Variants in DBT observed in about 807,000 individuals in gnomAD.
DBT encodes dihydrolipoamide branched chain transacylase E2, also known as lipoamide acyltransferase component of branched-chain alpha-keto acid dehydrogenase complex, mitochondrial.
Under a neutral mutation model 51.3 loss-of-function variants are expected in DBT, and 40 were observed. The ratio of observed to expected loss-of-function variants is 0.78; its 90% CI spans 0.61 to 1.02. DBT has a LOEUF of 1.02. DBT is among the 50% of genes least tolerant of loss of function. The probability of loss-of-function intolerance (pLI) is 0.00; values close to 1 mark genes in which losing one functional copy is unlikely to be tolerated. For synonymous variants in DBT, 181 were observed against 190.4 expected, an observed-to-expected ratio of 0.95 and a Z score of 0.41; for missense variants, 510 against 580.2, an observed-to-expected ratio of 0.88 and a Z score of 1.24.
intron 10 of DBT, among the ~76,000 whole-genome samples, 174 bp from the exon 11 acceptor site, chr1:100,196,596 TC>T (rs1661121880): frequency 1.3e-5 from 2 of 152,140 alleles, no homozygotes; most frequent in Non-Finnish European, 2.9e-5. Flanking sequence ...TTCCTACTCT[TC>T]CCATCTTTGA....
chr1:100,228,178 G>A (rs1304051283), intron 4 of DBT, among the ~76,000 whole-genome samples: 1 of 152,078 alleles, frequency 6.6e-6, no homozygotes, highest in Non-Finnish European at 1.5e-5. Flanking sequence ...CTTACTTCCA[G>A]CTTACAGGAA....
chr1:100,201,353 A>G (rs1661425933), intron 10 of DBT, among the ~76,000 whole-genome samples: 1 of 152,114 alleles, frequency 6.6e-6, no homozygotes, highest in African/African-American at 2.4e-5. Context: ...AAGATTAGAG[A>G]AAAAAGAATG....
chr1:100,223,336 CA>C (rs1168232047), intron 4 of DBT, among the ~76,000 whole-genome samples: 3 of 152,148 alleles, frequency 2.0e-5, no homozygotes, highest in Non-Finnish European at 4.4e-5. Flanking sequence ...GCTGTAAAGA[CA>C]ACTCGAGGTA....
intron 4 of DBT, among the ~76,000 whole-genome samples, chr1:100,221,263 G>T (rs536027136): frequency 6.6e-6 from 1 of 152,240 alleles, no homozygotes; most frequent in African/African-American, 2.4e-5. Flanking sequence ...GTAGTTGTTG[G>T]AAGAAAGCTG....
rs182557543 is a variant in DBT at position 100,199,920 on chromosome 1, C to G, written c.1282-3498G>C. Among the ~76,000 whole-genome samples the G allele has an allele frequency of 1.3e-3, 199 of 152,276 alleles. 1 individual carries two copies. Among genetic ancestry groups the G allele is most frequent in the African/African-American group, 4.7e-3 (197 of 41,564 alleles). ...CATCCGACAGACCAGGATATTCCCTCGGATGCCTACTCCACAAGGGCCCTG... is the reference window on the plus strand; with the variant it reads ...CATCCGACAGACCAGGATATTCCCTGGGATGCCTACTCCACAAGGGCCCTG... On this transcript the variant is annotated intron_variant, in intron 10 of 10. Coordinates refer to ENST00000370132, the MANE Select transcript of DBT (RefSeq NM_001918.5).
intron 7 of DBT, 151 bp downstream of exon 7, chr1:100,214,666 A>G: frequency 1.3e-6 from 1 of 754,106 alleles, no homozygotes; most frequent in Non-Finnish European, 2.3e-6. Context: ...AGGCAAGAGA[A>G]TTGTTTAAAC....
chr1:100,214,475 A>G (rs4908045), intron 7 of DBT, among the ~76,000 whole-genome samples: 150,905 of 152,336 alleles, frequency 0.99, 74,757 homozygotes, highest in Middle Eastern at 1. Flanking sequence ...ACTTGGGGCC[A>G]GGTATGGTGG....
intron 1 of DBT, among the ~76,000 whole-genome samples, chr1:100,247,262 C>T (rs1664598122): frequency 6.6e-6 from 1 of 152,164 alleles, no homozygotes. Flanking sequence ...ATCACTCTGG[C>T]TACACTATGG....
intron 10 of DBT, among the ~76,000 whole-genome samples, chr1:100,205,925 C>T (rs542900733): frequency 6.6e-6 from 1 of 151,966 alleles, no homozygotes; most frequent in East Asian, 1.9e-4. Flanking sequence ...GGGGACCTGT[C>T]GTGGGGTCTG....
intron 7 of DBT, among the ~76,000 whole-genome samples, 169 bp downstream of exon 7, chr1:100,214,648 G>A (rs1018236827): frequency 6.6e-6 from 1 of 152,198 alleles, no homozygotes; most frequent in African/African-American, 2.4e-5. Flanking sequence ...CAGCTACTCA[G>A]GAGGCTAAGG....
chr1:100,235,554 T>C (rs914520458), intron 2 of DBT, 43 bp from the exon 3 acceptor site: 3 of 1,000,122 alleles, frequency 3.0e-6, no homozygotes, highest in African/African-American at 3.2e-5. Context: ...GTATATAACA[T>C]ATTACTAATA....
In DBT at chr1:100,230,875, G is replaced by A. The variant is rs201318480; in HGVS notation, c.291C>T (p.Ser97=). 162 of 1,606,692 alleles carry A rather than the reference G, an allele frequency of 1.0e-4. No individual in the cohort carries two copies. Among genetic ancestry groups the A allele is most frequent in the Non-Finnish European group, 1.3e-4 (157 of 1,173,634 alleles). ...KEGDTVSQFD[S]ICEVQSDKAS... ...CTTTATCACTTTGAACTTCACAGAT[G>A]CTATCAAACTGAGACACTGTATCTC... The change falls in exon 4 of 11, where the codon AGC becomes AGT. Residue 97 remains serine, a synonymous_variant. Transcript: ENST00000370132.
At chr1:100,235,596 C>T (rs980363520) in intron 2 of DBT, 85 bp from the exon 3 acceptor site, 2 of 754,450 alleles carry the variant, frequency 2.7e-6, no homozygotes, top group Non-Finnish European at 4.6e-6. Flanking sequence ...AGAGAATGTT[C>T]TCAGGCAGAG....
chr1:100,200,079 A>C (rs1219825090), intron 10 of DBT, among the ~76,000 whole-genome samples: 1 of 152,038 alleles, frequency 6.6e-6, no homozygotes, highest in African/African-American at 2.4e-5. Context: ...CCTGGAAAGG[A>C]GGCTGAAGCC....
chr1:100,228,047 T>C (rs1663325767), intron 4 of DBT, among the ~76,000 whole-genome samples: 1 of 152,114 alleles, frequency 6.6e-6, no homozygotes, highest in African/African-American at 2.4e-5. Flanking sequence ...GGTTTCACCA[T>C]GTTGGCCAGC....
chr1:100,248,428 G>A (rs1483215452), intron 1 of DBT, among the ~76,000 whole-genome samples: 1 of 152,106 alleles, frequency 6.6e-6, no homozygotes, highest in Non-Finnish European at 1.5e-5. Flanking sequence ...ATATGAAACT[G>A]GAGATTTCCA....
chr1:100,224,716 C>T (rs1350313944), intron 4 of DBT, among the ~76,000 whole-genome samples: 1 of 151,980 alleles, frequency 6.6e-6, no homozygotes, highest in African/African-American at 2.4e-5. Flanking sequence ...ACTGCACATA[C>T]ATAAAATATA....
chr1:100,240,767 T>G lies in DBT; in HGVS notation c.169A>C (p.Thr57Pro), dbSNP rs1043012656. Reference sequence around the variant, plus strand: ...ATTTTGAAATCATACTTACCAGCAGTTGTTTTCAGGAAGTGATGTGGATGA... The same window carrying G: ...ATTTTGAAATCATACTTACCAGCAGGTGTTTTCAGGAAGTGATGTGGATGA... ...YSHPHHFLKT[T>P]AALRGQVVQF... The change falls in exon 2 of 11, where the codon ACT becomes CCT. Residue 57 changes from threonine (T) to proline (P), a missense_variant. Physicochemically the swap from Thr to Pro is conservative, Grantham distance 38. Transcript: ENST00000370132. The G allele has an allele frequency of 5.0e-6, 8 of 1,598,888 alleles. No individual in the cohort carries two copies. The African/African-American group carries it at 5.4e-5, about 11-fold the overall frequency.
intron 4 of DBT, among the ~76,000 whole-genome samples, chr1:100,219,344 T>C (rs1187543490): frequency 6.6e-6 from 1 of 151,792 alleles, no homozygotes. Context: ...AGTGAGACCC[T>C]GTCTCAAAAA....
Sources: gnomAD v4.1 joint callset for allele counts (sites outside exome capture counted in the v4.1 genomes callset) on GRCh38, gnomAD v4.1.1 for gene constraint, MANE v1.5 for transcripts, NCBI Gene and HGNC (gene_info 2026-07-23, HGNC 2026-07-21) for gene names.